CFHR5: variants seen among roughly 807,000 people sequenced by gnomAD.
CFHR5 encodes the protein complement factor H related 5.
A neutral mutation model predicts 62.9 loss-of-function variants in CFHR5; 73 were observed. The observed-to-expected ratio is 1.16, with a 90% CI of 0.96 to 1.41. The LOEUF is 1.41. Ranked by LOEUF, CFHR5 falls within the 40% of genes most tolerant of loss-of-function variation. The pLI is 0.00. For synonymous variants in CFHR5, 249 were observed against 227.2 expected, an observed-to-expected ratio of 1.10 and a Z score of -0.86; for missense variants, 779 against 679.9, an observed-to-expected ratio of 1.15 and a Z score of -1.62.
chr1:196,991,902 G>A (rs1006429276), intron 3 of CFHR5, among the ~76,000 whole-genome samples: 3 of 152,166 alleles, frequency 2.0e-5, no homozygotes, highest in African/African-American at 4.8e-5. Flanking sequence ...CATGCTGGGA[G>A]AACCACTGCT....
At chr1:197,002,772 C>A in intron 8 of CFHR5, 108 bp downstream of exon 8, 1 of 906,638 alleles carries the variant, frequency 1.1e-6, no homozygotes. Flanking sequence ...TGCACTGTAC[C>A]CCAAAGCCTT....
chr1:196,977,622 T>A lies in CFHR5; in HGVS notation c.-43T>A, dbSNP rs771277790. Reference sequence around the variant, plus strand: ...AAGCAGATTTAAAGCAACACCACCATCACTGGAGTATTTTTAGTTATATAC... The same window carrying A: ...AAGCAGATTTAAAGCAACACCACCAACACTGGAGTATTTTTAGTTATATAC... On this transcript the variant is annotated 5_prime_UTR_variant, in exon 1 of 10. Transcript: ENST00000256785. 2 of 1,458,152 alleles carry A rather than the reference T, an allele frequency of 1.4e-6. No homozygotes were observed. Among genetic ancestry groups the A allele is most frequent in the Admixed American group, 1.7e-5 (1 of 59,836 alleles). 90.3% of individuals were successfully genotyped at this position (1,458,152 alleles called of 1,614,324 possible). A position where few individuals can be genotyped will look rare whatever the true frequency, so the allele number is the denominator to read the frequency against.
At chr1:196,980,089 G>A (rs1453908395) in intron 1 of CFHR5, among the ~76,000 whole-genome samples, 1 of 151,922 alleles carries the variant, frequency 6.6e-6, no homozygotes, top group African/African-American at 2.4e-5. Flanking sequence ...GCCTACGGAG[G>A]GTCAGGATCA....
intron 1 of CFHR5, among the ~76,000 whole-genome samples, chr1:196,981,748 T>A (rs2125026013): frequency 6.6e-6 from 1 of 152,092 alleles, no homozygotes; most frequent in African/African-American, 2.4e-5. Context: ...AATGGCGTAG[T>A]ATTTGCATAT....
At chr1:197,002,773 C>A in intron 8 of CFHR5, 109 bp downstream of exon 8, 1 of 903,028 alleles carries the variant, frequency 1.1e-6, no homozygotes. Flanking sequence ...GCACTGTACC[C>A]CAAAGCCTTA....
At chr1:196,992,054 C>T (rs539103617) in intron 3 of CFHR5, among the ~76,000 whole-genome samples, 1 of 152,330 alleles carries the variant, frequency 6.6e-6, no homozygotes, top group Non-Finnish European at 1.5e-5. Context: ...CCAGTTCAAG[C>T]TTTTCCAGCT....
intron 3 of CFHR5, 146 bp from the exon 4 acceptor site, chr1:196,993,934 A>C (rs1653916918): frequency 1.5e-6 from 1 of 661,960 alleles, no homozygotes; most frequent in Admixed American, 2.8e-5. Flanking sequence ...ATTGGGTATA[A>C]ATAATTAGTC....
intron 3 of CFHR5, among the ~76,000 whole-genome samples, chr1:196,991,078 T>A (rs1653835708): frequency 6.6e-6 from 1 of 152,136 alleles, no homozygotes. Context: ...TACTCTTTTT[T>A]CTCTAAACTT....
At chr1:196,998,404 T>C in intron 7 of CFHR5, 100 bp downstream of exon 7, 1 of 956,258 alleles carries the variant, frequency 1.0e-6, no homozygotes. Context: ...TATTGTGGCA[T>C]ATAATTTCTA....
chr1:197,001,163 C>T (rs1027121897), intron 7 of CFHR5, among the ~76,000 whole-genome samples: 1 of 151,972 alleles, frequency 6.6e-6, no homozygotes, highest in Non-Finnish European at 1.5e-5. Context: ...TTTCTTAAAC[C>T]AGTAAATAAG....
upstream of CFHR5, among the ~76,000 whole-genome samples, chr1:196,975,844 G>T (rs543887849): frequency 1.6e-4 from 25 of 152,248 alleles, no homozygotes; most frequent in Admixed American, 5.9e-4. Flanking sequence ...ATTTGCAAAG[G>T]ATTGAGGTTT....
intron 1 of CFHR5, among the ~76,000 whole-genome samples, chr1:196,978,342 TATAAC>T (rs1479810219): frequency 6.6e-6 from 1 of 152,094 alleles, no homozygotes; most frequent in Non-Finnish European, 1.5e-5. Context: ...AACTGATTCT[TATAAC>T]ATTATAAACT....
chr1:196,996,005 T>C lies in CFHR5; in HGVS notation c.791-17T>C. 1.2e-6 allele frequency: 2 copies of C among 1,612,586 alleles called. No individual in the cohort carries two copies. Among genetic ancestry groups the C allele is most frequent in the East Asian group, 2.2e-5 (1 of 44,846 alleles). On this transcript the variant is annotated splice_polypyrimidine_tract_variant and intron_variant, in intron 5 of 9. Coordinates refer to ENST00000256785, the MANE Select transcript of CFHR5 (RefSeq NM_030787.4). Reference sequence around the variant, plus strand: ...AATATTTTCAGAGTAAGCACTCATTTTATTACATTTTCTTAGAACAAGTGA... The same window carrying C: ...AATATTTTCAGAGTAAGCACTCATTCTATTACATTTTCTTAGAACAAGTGA...
At chr1:197,005,178 T>C (rs1349248434) in intron 9 of CFHR5, among the ~76,000 whole-genome samples, 1 of 152,154 alleles carries the variant, frequency 6.6e-6, no homozygotes, top group Non-Finnish European at 1.5e-5. Context: ...CAGAGACCCT[T>C]TGAAAAACAC....
intron 3 of CFHR5, among the ~76,000 whole-genome samples, chr1:196,987,440 C>G (rs952772622): frequency 6.6e-6 from 1 of 152,132 alleles, no homozygotes; most frequent in African/African-American, 2.4e-5. Context: ...CTTGCCCATG[C>G]CTTTGTCCTG....
At chr1:197,004,960 C>A in intron 9 of CFHR5, 117 bp downstream of exon 9, 1 of 832,272 alleles carries the variant, frequency 1.2e-6, no homozygotes, top group South Asian at 1.6e-5. Context: ...TCTTTCCTGT[C>A]AAATGTAAAT....
intron 3 of CFHR5, 58 bp downstream of exon 3, chr1:196,984,195 T>A: frequency 9.5e-6 from 13 of 1,367,768 alleles, no homozygotes; most frequent in South Asian, 3.6e-5. Flanking sequence ...AAATCTATAG[T>A]TTATAGATTA....
chr1:196,988,098 A>G (rs956857672), intron 3 of CFHR5, among the ~76,000 whole-genome samples: 2 of 152,100 alleles, frequency 1.3e-5, no homozygotes, highest in Non-Finnish European at 1.5e-5. Context: ...CCTTGTAAAT[A>G]GGATTCCTAG....
At position 196,995,825 on chromosome 1, in the gene CFHR5, C is replaced by A. The variant is rs762532931; in HGVS notation, c.716C>A (p.Pro239His). ...GAAGTAGTGGAATATGATTGCAATC[C>A]TAATTTTATAATAAACGGGCCTAAG... ...HNEVVEYDCN[P>H]NFIINGPKKI... Residue 239 changes from proline (P) to histidine (H), a missense_variant, in exon 5 of 10, where the codon CCT becomes CAT. Transcript: ENST00000256785. 6.2e-7 allele frequency: 1 copy of A among 1,612,944 alleles called. No homozygotes were observed. The highest frequency in any genetic ancestry group is 8.5e-7 in the Non-Finnish European group (1 of 1,179,166).
Sources: gnomAD v4.1 joint callset for allele counts (sites outside exome capture counted in the v4.1 genomes callset) on GRCh38, gnomAD v4.1.1 for gene constraint, MANE v1.5 for transcripts, NCBI Gene and HGNC (gene_info 2026-07-23, HGNC 2026-07-21) for gene names.